GABBR2: variants seen among roughly 807,000 people sequenced by gnomAD.
GABBR2 encodes G-protein coupled receptor 51.
A neutral mutation model predicts 105.6 loss-of-function variants in GABBR2; 23 were observed. The observed-to-expected ratio is 0.22, with a 90% CI of 0.16 to 0.31. The LOEUF (loss-of-function observed/expected upper bound fraction) is 0.31, where lower values mean the gene tolerates loss of function less well. Ranked by LOEUF, GABBR2 falls within the 10% of genes least tolerant of loss-of-function variation. GABBR2 has a pLI of 1.00. For synonymous variants in GABBR2, 478 were observed against 499.7 expected, an observed-to-expected ratio of 0.96 and a Z score of 0.58; for missense variants, 734 against 1,245.5, an observed-to-expected ratio of 0.59 and a Z score of 6.18.
At chr9:98,309,921 C>A (rs184637338) in intron 14 of GABBR2, among the ~76,000 whole-genome samples, 149 of 152,352 alleles carry the variant, frequency 9.8e-4, no homozygotes, top group Non-Finnish European at 1.4e-3. Flanking sequence ...GGATCAATCA[C>A]TAACACTTCA....
chr9:98,566,415 C>G (rs928704685), intron 2 of GABBR2, among the ~76,000 whole-genome samples: 1 of 152,112 alleles, frequency 6.6e-6, no homozygotes, highest in Non-Finnish European at 1.5e-5. Context: ...GTGGCCCACA[C>G]CTGTAATCCC....
At chr9:98,423,583 T>A (rs1307120050) in intron 7 of GABBR2, among the ~76,000 whole-genome samples, 1 of 152,244 alleles carries the variant, frequency 6.6e-6, no homozygotes, top group Non-Finnish European at 1.5e-5. Context: ...GTAGTTTCTT[T>A]TGCTGTGCAG....
chr9:98,536,068 C>T (rs796578433), intron 3 of GABBR2, among the ~76,000 whole-genome samples: 10 of 152,154 alleles, frequency 6.6e-5, no homozygotes, highest in African/African-American at 1.9e-4. Context: ...GGAGGCTGTG[C>T]CTGTGTGGGG....
intron 13 of GABBR2, among the ~76,000 whole-genome samples, chr9:98,339,938 C>T (rs184967918): frequency 2.7e-4 from 41 of 152,210 alleles, no homozygotes; most frequent in Admixed American, 2.3e-3. Flanking sequence ...ATTGCTCTTC[C>T]CTGGCTCACT....
chr9:98,485,957 C>T (rs1030204922), intron 4 of GABBR2, among the ~76,000 whole-genome samples: 1 of 152,132 alleles, frequency 6.6e-6, no homozygotes, highest in Non-Finnish European at 1.5e-5. Flanking sequence ...ACTCCGGCCC[C>T]CCTGCTGAAA....
At chr9:98,479,955 C>T (rs1826880417) in intron 5 of GABBR2, among the ~76,000 whole-genome samples, 1 of 152,178 alleles carries the variant, frequency 6.6e-6, no homozygotes, top group East Asian at 1.9e-4. Context: ...GGACCATTTA[C>T]TCTGCTTGGA....
At chr9:98,571,730 C>G (rs1828834236) in intron 2 of GABBR2, among the ~76,000 whole-genome samples, 1 of 152,210 alleles carries the variant, frequency 6.6e-6, no homozygotes, top group Non-Finnish European at 1.5e-5. Context: ...CTGGCTGAAA[C>G]TGGACTTCTC....
At chr9:98,678,447 C>CTTT (rs1830501850) in intron 1 of GABBR2, among the ~76,000 whole-genome samples, 1 of 152,194 alleles carries the variant, frequency 6.6e-6, no homozygotes, top group Admixed American at 6.6e-5. Flanking sequence ...GGAAAGCCTG[C>CTTT]CCCTGCTGGC....
intron 8 of GABBR2, among the ~76,000 whole-genome samples, chr9:98,404,335 C>T (rs931804221): frequency 1.6e-4 from 24 of 152,154 alleles, no homozygotes; most frequent in African/African-American, 4.6e-4. Context: ...AGCTGACACG[C>T]GTTTCAATTA....
chr9:98,549,440 A>G (rs2131746927), intron 2 of GABBR2, among the ~76,000 whole-genome samples: 1 of 152,378 alleles, frequency 6.6e-6, no homozygotes, highest in East Asian at 1.9e-4. Flanking sequence ...TAGAAAAATC[A>G]CGAATAAATT....
intron 13 of GABBR2, among the ~76,000 whole-genome samples, chr9:98,337,968 G>A (rs1831144784): frequency 1.3e-5 from 2 of 152,192 alleles, no homozygotes; most frequent in African/African-American, 2.4e-5. Context: ...TTTGCAGTGA[G>A]CTGAGATTGT....
At chr9:98,366,634 C>T (rs3780428) in intron 12 of GABBR2, among the ~76,000 whole-genome samples, 55,172 of 152,058 alleles carry the variant, frequency 0.36, 11,986 homozygotes, top group African/African-American at 0.61. Context: ...CCACTAGGGC[C>T]AACTCATTTC....
At chr9:98,298,246 G>T (rs1830413791) in intron 17 of GABBR2, among the ~76,000 whole-genome samples, 1 of 152,020 alleles carries the variant, frequency 6.6e-6, no homozygotes, top group Admixed American at 6.6e-5. Context: ...TTCACCTGGA[G>T]ATCTTTCCAT....
At chr9:98,318,917 G>GTGTGTGTT (rs376858208) in intron 13 of GABBR2, among the ~76,000 whole-genome samples, 18 of 142,780 alleles carry the variant, frequency 1.3e-4, no homozygotes, top group African/African-American at 3.6e-4. Context: ...GTGTGTGTTG[G>GTGTGTGTT]GGGTGTGTGT....
intron 3 of GABBR2, among the ~76,000 whole-genome samples, chr9:98,515,420 C>T (rs922049682): frequency 6.6e-6 from 1 of 152,186 alleles, no homozygotes; most frequent in African/African-American, 2.4e-5. Context: ...CCTGGGAAAT[C>T]ACTGCACTTT....
chr9:98,471,850 T>C (rs530018940), intron 6 of GABBR2, among the ~76,000 whole-genome samples: 62 of 152,350 alleles, frequency 4.1e-4, no homozygotes, highest in Non-Finnish European at 6.6e-4. Flanking sequence ...TAACACTTAC[T>C]GAATAAATGA....
At chr9:98,412,357 T>A (rs1245766012) in intron 7 of GABBR2, among the ~76,000 whole-genome samples, 3 of 152,220 alleles carry the variant, frequency 2.0e-5, no homozygotes, top group Admixed American at 1.3e-4. Context: ...TAAATATGAC[T>A]CTAGACTGCA....
chr9:98,428,931 C>T (rs1825746988), intron 7 of GABBR2, among the ~76,000 whole-genome samples: 1 of 152,162 alleles, frequency 6.6e-6, no homozygotes. Context: ...CTATCACTTG[C>T]ACCAAAAGAG....
At chr9:98,321,868 C>T (rs1363992163) in intron 13 of GABBR2, among the ~76,000 whole-genome samples, 1 of 152,184 alleles carries the variant, frequency 6.6e-6, no homozygotes, top group African/African-American at 2.4e-5. Context: ...TGCCTTCTCT[C>T]TTGCATGCTT....
Sources: allele counts gnomAD v4.1 joint callset (sites outside exome capture counted in the v4.1 genomes callset), GRCh38; gene constraint gnomAD v4.1.1; transcripts MANE v1.5; gene names NCBI Gene and HGNC (gene_info 2026-07-23, HGNC 2026-07-21).